The following CNTN5 variants were observed in gnomAD, a reference collection of about 807,000 sequenced individuals.
The protein encoded by CNTN5 is contactin-5.
In CNTN5, 77 loss-of-function variants were observed where a neutral mutation model predicts 129.1. The ratio of observed to expected loss-of-function variants is 0.60; its 90% CI spans 0.50 to 0.72. CNTN5 has a LOEUF of 0.72. Among genes scored for constraint, CNTN5 ranks in the 30% least tolerant of loss-of-function variants. The pLI, the probability that CNTN5 is intolerant of heterozygous loss-of-function variation, is 0.00. For missense variants in CNTN5, 1,478 were observed against 1,328.8 expected, an observed-to-expected ratio of 1.11 and a Z score of -1.75; for synonymous variants, 509 against 465.6, an observed-to-expected ratio of 1.09 and a Z score of -1.20.
intron 6 of CNTN5, among the ~76,000 whole-genome samples, chr11:99,857,297 G>A (rs901842712): frequency 1.3e-5 from 2 of 152,032 alleles, no homozygotes; most frequent in Admixed American, 6.6e-5. Flanking sequence ...TAACATGTAA[G>A]ATCATAGTCA....
intron 1 of CNTN5, among the ~76,000 whole-genome samples, chr11:99,041,680 A>G (rs1863988376): frequency 6.6e-6 from 1 of 152,214 alleles, no homozygotes; most frequent in Admixed American, 6.5e-5. Flanking sequence ...CATAATAGCA[A>G]TAAAGAGCAT....
At chr11:99,149,970 T>G (rs780689997) in intron 1 of CNTN5, among the ~76,000 whole-genome samples, 1 of 152,068 alleles carries the variant, frequency 6.6e-6, no homozygotes, top group Non-Finnish European at 1.5e-5. Flanking sequence ...ACTTAGATCT[T>G]TAGAGCTTAT....
intron 1 of CNTN5, among the ~76,000 whole-genome samples, chr11:99,128,073 G>T (rs907635667): frequency 6.6e-6 from 1 of 152,104 alleles, no homozygotes; most frequent in African/African-American, 2.4e-5. Flanking sequence ...AACATTAAAA[G>T]AAATATAAAC....
chr11:99,626,312 G>C (rs1951130885), intron 3 of CNTN5, among the ~76,000 whole-genome samples: 1 of 151,592 alleles, frequency 6.6e-6, no homozygotes, highest in Non-Finnish European at 1.5e-5. Flanking sequence ...TGGTAAAGAG[G>C]TTTTAAGAAA....
intron 1 of CNTN5, among the ~76,000 whole-genome samples, chr11:99,276,117 C>G (rs1183013327): frequency 6.6e-6 from 1 of 151,730 alleles, no homozygotes; most frequent in Non-Finnish European, 1.5e-5. Context: ...CCTGATTTAA[C>G]TTTTCTCAAT....
chr11:99,923,790 T>A (rs916149767), intron 7 of CNTN5, among the ~76,000 whole-genome samples: 3 of 151,836 alleles, frequency 2.0e-5, no homozygotes, highest in African/African-American at 7.3e-5. Flanking sequence ...TATCTATCTA[T>A]CTATCTATCT....
chr11:99,343,236 C>T (rs1245298703), intron 2 of CNTN5, among the ~76,000 whole-genome samples: 1 of 152,130 alleles, frequency 6.6e-6, no homozygotes, highest in Non-Finnish European at 1.5e-5. Flanking sequence ...TAGATTTAGA[C>T]AGACACAATA....
At chr11:99,677,743 T>C (rs1423112243) in intron 3 of CNTN5, among the ~76,000 whole-genome samples, 1 of 152,180 alleles carries the variant, frequency 6.6e-6, no homozygotes, top group East Asian at 1.9e-4. Context: ...ATGGGATGGG[T>C]TGGTGATTAC....
At chr11:99,964,685 G>A (rs1181989918) in intron 8 of CNTN5, among the ~76,000 whole-genome samples, 3 of 152,136 alleles carry the variant, frequency 2.0e-5, no homozygotes, top group Non-Finnish European at 4.4e-5. Flanking sequence ...AAATGAGTTA[G>A]GGAGGATTCC....
rs372870398 is a variant in CNTN5 at position 99,506,762 on chromosome 11, A to G, written c.-70-49383A>G. ...CTGTTTACTTCATAGTAGTAATTGTAGGAATATATTTCAAGAAAGTAAATG... is the reference window on the plus strand; with the variant it reads ...CTGTTTACTTCATAGTAGTAATTGTGGGAATATATTTCAAGAAAGTAAATG... On this transcript the variant is annotated intron_variant, in intron 2 of 24. Transcript: ENST00000524871. Among the ~76,000 whole-genome samples, 7 of 152,178 alleles carry G rather than the reference A, an allele frequency of 4.6e-5. No individual in the cohort carries two copies. In the East Asian group the frequency reaches 9.6e-4, roughly 21 times the overall value.
intron 6 of CNTN5, among the ~76,000 whole-genome samples, chr11:99,867,727 A>G (rs1948393039): frequency 6.6e-6 from 1 of 152,128 alleles, no homozygotes; most frequent in African/African-American, 2.4e-5. Flanking sequence ...TCTCTCTATT[A>G]TAAGGTCAGG....
intron 2 of CNTN5, among the ~76,000 whole-genome samples, chr11:99,344,960 T>C (rs1404703556): frequency 6.6e-6 from 1 of 152,068 alleles, no homozygotes; most frequent in Admixed American, 6.5e-5. Flanking sequence ...AAAAGAAAAG[T>C]TGGAAATGTG....
At chr11:99,046,152 G>T (rs757674983) in intron 1 of CNTN5, among the ~76,000 whole-genome samples, 9 of 151,870 alleles carry the variant, frequency 5.9e-5, no homozygotes, top group African/African-American at 1.7e-4. Flanking sequence ...CAGACTGGGC[G>T]ACATGGCAAA....
intron 9 of CNTN5, among the ~76,000 whole-genome samples, chr11:100,034,017 T>C (rs759197475): frequency 2.8e-4 from 43 of 152,346 alleles, no homozygotes; most frequent in Non-Finnish European, 4.4e-4. Context: ...TCATTCTGTA[T>C]CTTACTTCCT....
At chr11:99,422,554 A>C (rs1385949212) in intron 2 of CNTN5, among the ~76,000 whole-genome samples, 27 of 107,774 alleles carry the variant, frequency 2.5e-4, no homozygotes, top group African/African-American at 7.2e-4. Flanking sequence ...ATATATATAT[A>C]TATATATCTG....
intron 2 of CNTN5, among the ~76,000 whole-genome samples, chr11:99,479,773 T>G (rs1320382060): frequency 6.6e-6 from 1 of 151,970 alleles, no homozygotes; most frequent in Non-Finnish European, 1.5e-5. Context: ...AATTTTCACC[T>G]CCAGCAACAG....
chr11:99,318,060 C>T (rs1362070258), intron 1 of CNTN5, among the ~76,000 whole-genome samples: 3 of 151,984 alleles, frequency 2.0e-5, no homozygotes, highest in East Asian at 1.9e-4. Flanking sequence ...ACATTTCAAA[C>T]GTTTCATATA....
chr11:99,768,544 C>T (rs1373203701), intron 3 of CNTN5, among the ~76,000 whole-genome samples: 1 of 152,080 alleles, frequency 6.6e-6, no homozygotes, highest in African/African-American at 2.4e-5. Flanking sequence ...TATAATTCTC[C>T]TTTGATTTAA....
chr11:99,139,500 T>A (rs897459535), intron 1 of CNTN5, among the ~76,000 whole-genome samples: 1 of 152,176 alleles, frequency 6.6e-6, no homozygotes. Context: ...CTAAGCATTT[T>A]AAAAAATCAG....
Sources: allele counts gnomAD v4.1 joint callset (sites outside exome capture counted in the v4.1 genomes callset), GRCh38; gene constraint gnomAD v4.1.1; transcripts MANE v1.5; gene names NCBI Gene and HGNC (gene_info 2026-07-23, HGNC 2026-07-21).